Variants in KLRG1 observed in about 807,000 individuals in gnomAD.
KLRG1 encodes killer cell lectin-like receptor subfamily G member 1.
Under a neutral mutation model 21.8 loss-of-function variants are expected in KLRG1, and 16 were observed. The ratio of observed to expected loss-of-function variants is 0.73; its 90% CI spans 0.50 to 1.11. The LOEUF (loss-of-function observed/expected upper bound fraction) is 1.11, where lower values mean the gene tolerates loss of function less well. KLRG1 is among the 50% of genes most tolerant of loss of function. The pLI is 0.00. For missense variants in KLRG1, 173 were observed against 218.3 expected, an observed-to-expected ratio of 0.79 and a Z score of 1.31; for synonymous variants, 69 against 75.9, an observed-to-expected ratio of 0.91 and a Z score of 0.47.
chr12:9,203,358 T>C, the KLRG1 span, among the ~76,000 whole-genome samples: 1 of 91,652 alleles, frequency 1.1e-5, no homozygotes, highest in Non-Finnish European at 2.4e-5. Flanking sequence ...TTTTTTTTTT[T>C]TGAGACGGAG....
chr12:8,970,253 A>T (rs1223049983), intron 1 of KLRG1, among the ~76,000 whole-genome samples: 4 of 152,268 alleles, frequency 2.6e-5, no homozygotes, highest in Admixed American at 2.6e-4. Context: ...TTTACATTGT[A>T]TCTATGGCTG....
chr12:9,039,464 T>TA, the KLRG1 span, among the ~76,000 whole-genome samples: 1 of 142,784 alleles, frequency 7.0e-6, no homozygotes, highest in Non-Finnish European at 1.6e-5. Flanking sequence ...TATGCTTTTT[T>TA]AAAAAACTTT....
chr12:9,068,111 T>C, the KLRG1 span: 1 of 1,515,794 alleles, frequency 6.6e-7, no homozygotes, highest in Non-Finnish European at 9.0e-7. Flanking sequence ...CCCAGCGTTT[T>C]ATGAAGGAGA....
At chr12:9,205,065 T>C in the KLRG1 span, among the ~76,000 whole-genome samples, 5 of 152,146 alleles carry the variant, frequency 3.3e-5, no homozygotes, top group Admixed American at 3.3e-4. Flanking sequence ...ACCAGTGCTT[T>C]CAGAGTGACA....
the KLRG1 span, chr12:9,148,959 G>A: frequency 3.7e-6 from 6 of 1,604,674 alleles, no homozygotes; most frequent in South Asian, 6.6e-5. Context: ...AAAATATACA[G>A]CCTGTATGGT....
chr12:9,093,671 A>G, the KLRG1 span: 1 of 727,694 alleles, frequency 1.4e-6, no homozygotes, highest in Non-Finnish European at 2.1e-6. Context: ...AAAAAACAAA[A>G]AACAAATCGT....
At chr12:9,183,466 C>T in the KLRG1 span, among the ~76,000 whole-genome samples, 1 of 152,106 alleles carries the variant, frequency 6.6e-6, no homozygotes, top group African/African-American at 2.4e-5. Flanking sequence ...GTGGTGCAAT[C>T]ATAGCTCACT....
At chr12:9,150,590 A>G in the KLRG1 span, 1 of 1,196,660 alleles carries the variant, frequency 8.4e-7, no homozygotes, top group Non-Finnish European at 1.2e-6. Flanking sequence ...AACTGTCACA[A>G]CAGGATCCAT....
chr12:9,062,142 A>G, the KLRG1 span, among the ~76,000 whole-genome samples: 7 of 147,382 alleles, frequency 4.7e-5, no homozygotes, highest in Admixed American at 1.4e-4. Context: ...TGATATATTT[A>G]TATATTGTAT....
upstream of KLRG1, chr12:8,987,254 TG>T (rs1472066702): frequency 1.3e-5 from 2 of 152,242 alleles, no homozygotes; most frequent in African/African-American, 4.8e-5. Flanking sequence ...TATTTGGAGA[TG>T]GAGTGTTTAA....
chr12:8,985,101 A>G (rs767797702), upstream of KLRG1, among the ~76,000 whole-genome samples: 37 of 151,872 alleles, frequency 2.4e-4, no homozygotes, highest in African/African-American at 8.9e-4. Flanking sequence ...CCAAGATCCA[A>G]TCCAGGATAC....
chr12:9,213,522 C>T, the KLRG1 span, among the ~76,000 whole-genome samples: 272 of 152,058 alleles, frequency 1.8e-3, 1 homozygote, highest in Middle Eastern at 3.4e-3. Context: ...AGAATGATAG[C>T]CATAGTGGAT....
At chr12:9,089,988 CT>C in the KLRG1 span, 1 of 1,606,014 alleles carries the variant, frequency 6.2e-7, no homozygotes, top group Non-Finnish European at 8.5e-7. Flanking sequence ...TCTTGAGACT[CT>C]AGTGCCTCTG....
At chr12:9,164,225 A>G in the KLRG1 span, 4 of 1,612,794 alleles carry the variant, frequency 2.5e-6, no homozygotes, top group South Asian at 1.1e-5. Flanking sequence ...TTGGGAAGCT[A>G]GGAAGGCTGG....
the KLRG1 span, among the ~76,000 whole-genome samples, chr12:9,063,362 A>C: frequency 2.0e-5 from 3 of 152,210 alleles, no homozygotes; most frequent in East Asian, 3.8e-4. Context: ...GTTAGTGGTG[A>C]GTCACATATA....
the KLRG1 span, among the ~76,000 whole-genome samples, chr12:9,034,372 C>T: frequency 1.3e-5 from 2 of 152,114 alleles, no homozygotes; most frequent in Non-Finnish European, 1.5e-5. Flanking sequence ...ATAGCACATA[C>T]GGTTATGTAT....
the KLRG1 span, among the ~76,000 whole-genome samples, chr12:9,194,466 T>G: frequency 2.7e-5 from 4 of 147,508 alleles, no homozygotes; most frequent in South Asian, 2.2e-4. Flanking sequence ...CAGGGAGTTT[T>G]TTTTTTTTTT....
chr12:8,957,980 A>T (rs1946322894), intron 1 of KLRG1, among the ~76,000 whole-genome samples: 1 of 152,196 alleles, frequency 6.6e-6, no homozygotes, highest in African/African-American at 2.4e-5. Context: ...TTCTCATCTT[A>T]TTCATTCCCT....
the KLRG1 span, chr12:9,079,662 T>G: frequency 2.4e-5 from 38 of 1,613,472 alleles, no homozygotes; most frequent in African/African-American, 4.7e-4. Flanking sequence ...GCCAATGGCC[T>G]TGGACTTGAT....
Sources: allele counts gnomAD v4.1 joint callset (sites outside exome capture counted in the v4.1 genomes callset), GRCh38; gene constraint gnomAD v4.1.1; transcripts MANE v1.5; gene names NCBI Gene and HGNC (gene_info 2026-07-23, HGNC 2026-07-21).